Variants in CYP11A1 observed in about 807,000 individuals in gnomAD.
CYP11A1 encodes cholesterol side-chain cleavage enzyme, mitochondrial.
CYP11A1 carries 25 observed loss-of-function variants against 51.9 expected under a neutral mutation model. That is an observed-to-expected ratio of 0.48 (90% CI 0.35 to 0.67). The LOEUF is 0.67. CYP11A1 is among the 30% of genes least tolerant of loss of function. The probability of loss-of-function intolerance (pLI) is 0.00; values close to 1 mark genes in which losing one functional copy is unlikely to be tolerated. For missense variants in CYP11A1, 578 were observed against 680.9 expected, an observed-to-expected ratio of 0.85 and a Z score of 1.68; for synonymous variants, 245 against 262.1, an observed-to-expected ratio of 0.93 and a Z score of 0.63.
At chr15:74,344,813 T>G in intron 3 of CYP11A1, 1 of 583,534 alleles carries the variant, frequency 1.7e-6, no homozygotes, top group Non-Finnish European at 3.1e-6. Context: ...AAATGCCAGA[T>G]GAGAGAGAAT....
At chr15:74,352,821 T>A (rs1254045856) in intron 1 of CYP11A1, among the ~76,000 whole-genome samples, 1 of 152,226 alleles carries the variant, frequency 6.6e-6, no homozygotes, top group Non-Finnish European at 1.5e-5. Flanking sequence ...GTGTCTCATG[T>A]CTCCCTTGTT....
chr15:74,358,997 T>C (rs1266125321), intron 1 of CYP11A1, among the ~76,000 whole-genome samples: 1 of 152,174 alleles, frequency 6.6e-6, no homozygotes. Context: ...AACAAGTAAT[T>C]ACACTGAATC....
At chr15:74,338,415 A>G in intron 8 of CYP11A1, 156 bp downstream of exon 8, 2 of 819,996 alleles carry the variant, frequency 2.4e-6, no homozygotes, top group Non-Finnish European at 2.0e-6. Flanking sequence ...GGGGCAGCAG[A>G]GAACTGTGGG....
intron 1 of CYP11A1, among the ~76,000 whole-genome samples, chr15:74,348,686 A>T (rs1285108356): frequency 6.6e-6 from 1 of 152,236 alleles, no homozygotes; most frequent in East Asian, 1.9e-4. Context: ...CAGGGGAGAC[A>T]GGCTTGCAAA....
At chr15:74,354,836 A>T (rs1415104966) in intron 1 of CYP11A1, among the ~76,000 whole-genome samples, 1 of 152,066 alleles carries the variant, frequency 6.6e-6, no homozygotes, top group Non-Finnish European at 1.5e-5. Context: ...GACGTGTTTT[A>T]TCCGTGAACC....
intron 1 of CYP11A1, among the ~76,000 whole-genome samples, chr15:74,353,673 T>C (rs188950597): frequency 6.6e-6 from 1 of 152,266 alleles, no homozygotes; most frequent in Non-Finnish European, 1.5e-5. Context: ...CCAGGGTAAA[T>C]TGAATAAGAA....
At chr15:74,365,589 G>A (rs1567058690) in intron 1 of CYP11A1, 2 of 754,404 alleles carry the variant, frequency 2.7e-6, no homozygotes, top group Non-Finnish European at 3.2e-6. Flanking sequence ...CAAAGGGAGT[G>A]GGATCTGGGG....
intron 1 of CYP11A1, chr15:74,362,076 A>G: frequency 7.3e-7 from 1 of 1,375,822 alleles, no homozygotes; most frequent in Non-Finnish European, 1.0e-6. Context: ...CTTAACCACC[A>G]GACCATTCCT....
At chr15:74,362,626 G>C (rs1422082214) in intron 1 of CYP11A1, 1 of 152,152 alleles carries the variant, frequency 6.6e-6, no homozygotes, top group Non-Finnish European at 1.5e-5. Flanking sequence ...GAATGCTTAA[G>C]GTAAAACTAA....
chr15:74,342,182 A>C (rs569277999), intron 5 of CYP11A1, among the ~76,000 whole-genome samples: 116 of 152,280 alleles, frequency 7.6e-4, no homozygotes, highest in African/African-American at 2.4e-3. Flanking sequence ...TCACGGGTTC[A>C]AGCGATTCTC....
chr15:74,366,365 C>T (rs181360514), intron 1 of CYP11A1, among the ~76,000 whole-genome samples: 49 of 150,572 alleles, frequency 3.3e-4, no homozygotes, highest in Admixed American at 3.2e-3. Flanking sequence ...CTCACTGCAA[C>T]CTCCACCTCC....
intron 5 of CYP11A1, among the ~76,000 whole-genome samples, chr15:74,341,265 T>A (rs780484993): frequency 6.6e-6 from 1 of 152,198 alleles, no homozygotes; most frequent in Admixed American, 6.5e-5. Context: ...CTCACAGTAA[T>A]CGTTTCTTTG....
intron 2 of CYP11A1, 78 bp downstream of exon 2, chr15:74,347,822 C>T: frequency 6.6e-7 from 1 of 1,521,706 alleles, no homozygotes; most frequent in South Asian, 1.2e-5. Context: ...TGGCCTCAGC[C>T]CCTCACCCCC....
rs2060614797 is a variant in CYP11A1, at chr15:74,343,082, G to A, written c.885C>T (p.His295=). ...TGTAGAGGATGCCACGGTAATCGTG[G>A]TGAACACTTCCTTTCTGTCTCAATT... is the stretch of plus-strand genomic sequence containing the variant. The part of the protein sequence containing the change: ...YWELRQKGSV[H]HDYRGILYRL... The change falls in exon 5 of 9, where the codon CAC becomes CAT. Residue 295 remains histidine, a synonymous_variant. Coordinates refer to ENST00000268053, the MANE Select transcript of CYP11A1 (RefSeq NM_000781.3). 6.2e-7 allele frequency: 1 copy of A among 1,613,960 alleles called. No homozygotes were observed. The highest frequency in any genetic ancestry group is 1.3e-5 in the African/African-American group (1 of 75,052).
rs145324697 is a variant in CYP11A1, at chr15:74,361,757, C to A, written c.269+5560G>T. 1,765 of 1,259,488 alleles carry A rather than the reference C, an allele frequency of 1.4e-3. 5 individuals are homozygous for A. The highest frequency in any genetic ancestry group is 4.1e-3 in the Middle Eastern group (22 of 5,344). The allele number at this position is 1,259,488 out of a possible 1,614,324, so 78.0% of individuals were successfully genotyped here. On this transcript the variant is annotated intron_variant, in intron 1 of 8. Coordinates refer to ENST00000268053, the MANE Select transcript of CYP11A1 (RefSeq NM_000781.3). ...TGTGTCAGGGTGGTGACTTCATATGCCATAATGGCACTGGTGGCAAGTCCA... is the reference window on the plus strand; with the variant it reads ...TGTGTCAGGGTGGTGACTTCATATGACATAATGGCACTGGTGGCAAGTCCA...
intron 1 of CYP11A1, among the ~76,000 whole-genome samples, chr15:74,354,273 A>G (rs1391588932): frequency 6.6e-6 from 1 of 152,154 alleles, no homozygotes; most frequent in Non-Finnish European, 1.5e-5. Context: ...AACTGATAAC[A>G]TTACCTTGTG....
rs139580650 is a variant in CYP11A1 at position 74,345,791 on chromosome 15, G to A, written c.426-548C>T. The stretch of plus-strand genomic sequence containing the variant: ...TAAACCTTAATTCATGCACACTCTT[G>A]AAATTCATCAATCCATGCAAAGTCC... On this transcript the variant is annotated intron_variant, in intron 2 of 8. Coordinates refer to ENST00000268053, the MANE Select transcript of CYP11A1 (RefSeq NM_000781.3). This position sits in a 1 kb window ranked among gnomAD's most constrained non-coding sequence, Gnocchi z 4.3. Among the ~76,000 whole-genome samples the A allele has an allele frequency of 6.6e-6, 1 of 152,294 alleles. No homozygotes were observed. Among genetic ancestry groups the A allele is most frequent in the Non-Finnish European group, 1.5e-5 (1 of 68,024 alleles).
At chr15:74,354,992 T>A (rs2060672469) in intron 1 of CYP11A1, among the ~76,000 whole-genome samples, 1 of 152,090 alleles carries the variant, frequency 6.6e-6, no homozygotes, top group Non-Finnish European at 1.5e-5. Flanking sequence ...TCACCCTTAG[T>A]GGCAAGCACC....
In CYP11A1 at chr15:74,344,090, A is replaced by G. The variant is rs1389458013; in HGVS notation, c.626-98T>C. On this transcript the variant is annotated intron_variant, in intron 3 of 8. Transcript: ENST00000268053. The stretch of plus-strand genomic sequence containing the variant: ...CTCCACCCTCACCTCCCTCAGCACA[A>G]AGGATCTCTTGCCCCTACCCTCAGC... 6 of 979,252 alleles carry G rather than the reference A, an allele frequency of 6.1e-6. No homozygotes were observed. The African/African-American group carries it at 9.5e-5, about 16-fold the overall frequency. The allele number at this position is 979,252 out of a possible 1,614,324, so 60.7% of individuals were successfully genotyped here.
Sources: gnomAD v4.1 joint callset for allele counts (sites outside exome capture counted in the v4.1 genomes callset) on GRCh38, gnomAD v4.1.1 for gene constraint, Gnocchi (gnomAD v3.1) non-coding constraint, MANE v1.5 for transcripts, NCBI Gene and HGNC (gene_info 2026-07-23, HGNC 2026-07-21) for gene names.